DLGAP1: variants seen among roughly 807,000 people sequenced by gnomAD.
The protein encoded by DLGAP1 is DLG associated protein 1.
In DLGAP1, 11 loss-of-function variants were observed where a neutral mutation model predicts 90.8. The observed-to-expected ratio is 0.12, with a 90% confidence interval of 0.08 to 0.20. The LOEUF is 0.20. Among genes scored for constraint, DLGAP1 ranks in the 10% least tolerant of loss-of-function variants. DLGAP1 has a pLI of 1.00. For synonymous variants in DLGAP1, 558 were observed against 540.7 expected, an observed-to-expected ratio of 1.03 and a Z score of -0.44; for missense variants, 1,050 against 1,333.8, an observed-to-expected ratio of 0.79 and a Z score of 3.31.
At chr18:3,669,115 ATGT>A (rs1437923014) in intron 7 of DLGAP1, among the ~76,000 whole-genome samples, 8 of 120,356 alleles carry the variant, frequency 6.6e-5, no homozygotes, top group Non-Finnish European at 1.4e-4. Context: ...ATGAAAATAA[ATGT>A]TGTACAATTT....
chr18:3,665,242 G>A (rs938515325), intron 7 of DLGAP1, among the ~76,000 whole-genome samples: 89 of 152,174 alleles, frequency 5.8e-4, no homozygotes, highest in African/African-American at 1.7e-3. Context: ...GAAACAATTT[G>A]TTACTAGATC....
chr18:4,122,956 A>G (rs1360286192), intron 2 of DLGAP1, among the ~76,000 whole-genome samples: 1 of 152,042 alleles, frequency 6.6e-6, no homozygotes, highest in Non-Finnish European at 1.5e-5. Flanking sequence ...AGTGGACCCT[A>G]TTTGCTTCTC....
At chr18:3,798,623 G>C (rs759126211) in intron 5 of DLGAP1, among the ~76,000 whole-genome samples, 3 of 152,088 alleles carry the variant, frequency 2.0e-5, no homozygotes, top group Non-Finnish European at 4.4e-5. Context: ...TGTTTCTATG[G>C]TTTTATCGTT....
intron 5 of DLGAP1, among the ~76,000 whole-genome samples, chr18:3,743,479 C>T (rs1468094132): frequency 1.3e-5 from 2 of 151,164 alleles, no homozygotes; most frequent in East Asian, 2.0e-4. Flanking sequence ...CTCAGCCTCC[C>T]GAGTAGCTGG....
At chr18:4,034,085 A>G (rs2074847872) in intron 2 of DLGAP1, among the ~76,000 whole-genome samples, 1 of 118,364 alleles carries the variant, frequency 8.4e-6, no homozygotes, top group South Asian at 3.1e-4. Flanking sequence ...CTTGTTGCCC[A>G]GGCTGGAGTG....
chr18:4,384,141 G>C (rs1454521543), intron 1 of DLGAP1, among the ~76,000 whole-genome samples: 1 of 152,098 alleles, frequency 6.6e-6, no homozygotes, highest in African/African-American at 2.4e-5. Context: ...CTATCTGATG[G>C]ATAATGAAAA....
intron 4 of DLGAP1, among the ~76,000 whole-genome samples, chr18:3,854,584 T>C (rs946299052): frequency 2.0e-5 from 3 of 152,226 alleles, no homozygotes; most frequent in Admixed American, 1.3e-4. Context: ...TGGAGCTCCC[T>C]AGAGTTAGGT....
At position 3,524,727 on chromosome 18, in the gene DLGAP1, T is replaced by C. The variant is rs562636227; in HGVS notation, c.2479+9467A>G. Among the ~76,000 whole-genome samples the C allele has an allele frequency of 2.6e-5, 4 of 152,266 alleles. No individual in the cohort carries two copies. The East Asian group carries it at 7.7e-4, about 29-fold the overall frequency. On this transcript the variant is annotated intron_variant, in intron 10 of 12. Coordinates refer to ENST00000315677, the MANE Select transcript of DLGAP1 (RefSeq NM_004746.4). Reference sequence around the variant, plus strand: ...GTGAGACCCTGTCTCAATAAATAAATAAATGAAAGTCATGTGGATTTGTCA... The same window carrying C: ...GTGAGACCCTGTCTCAATAAATAAACAAATGAAAGTCATGTGGATTTGTCA...
chr18:3,593,072 G>A (rs2056372225), intron 7 of DLGAP1, among the ~76,000 whole-genome samples: 1 of 151,802 alleles, frequency 6.6e-6, no homozygotes, highest in African/African-American at 2.4e-5. Flanking sequence ...GAGTACTCAG[G>A]GCTCCAACTC....
chr18:4,206,587 C>T (rs553576062), intron 1 of DLGAP1, among the ~76,000 whole-genome samples: 1 of 152,270 alleles, frequency 6.6e-6, no homozygotes, highest in South Asian at 2.1e-4. Context: ...GGGCCCACAT[C>T]AGCATGCATG....
intron 2 of DLGAP1, among the ~76,000 whole-genome samples, chr18:4,133,495 C>G (rs529505810): frequency 5.3e-5 from 8 of 152,120 alleles, no homozygotes; most frequent in Non-Finnish European, 8.8e-5. Flanking sequence ...CTAATTTACC[C>G]AGCTTTATCT....
chr18:4,250,186 T>C (rs1436053929), intron 1 of DLGAP1, among the ~76,000 whole-genome samples: 1 of 152,198 alleles, frequency 6.6e-6, no homozygotes, highest in Non-Finnish European at 1.5e-5. Context: ...TTTCTCTTCC[T>C]TGGGCTCACA....
At chr18:4,406,235 A>G (rs929026826) in intron 1 of DLGAP1, among the ~76,000 whole-genome samples, 1 of 152,172 alleles carries the variant, frequency 6.6e-6, no homozygotes, top group African/African-American at 2.4e-5. Flanking sequence ...GAGTGGACCA[A>G]TCAGAAGTAG....
chr18:3,514,970 T>G (rs1316853420), intron 10 of DLGAP1, among the ~76,000 whole-genome samples: 1 of 152,204 alleles, frequency 6.6e-6, no homozygotes. Flanking sequence ...CTCAAGCTTC[T>G]GGCCTCAAGC....
Position 3,764,609 on chromosome 18 carries a change from C to A in DLGAP1, c.1173-22097G>T, listed in dbSNP as rs552789171. On this transcript the variant is annotated intron_variant, in intron 5 of 12. Transcript: ENST00000315677. ...TATGCTGTTTTCCCATTTTCGAAATCATCCCAAACCATCAATTTTAAAGTT... is the reference window on the plus strand; with the variant it reads ...TATGCTGTTTTCCCATTTTCGAAATAATCCCAAACCATCAATTTTAAAGTT... Among the ~76,000 whole-genome samples, 9 of 152,340 alleles carry A rather than the reference C, an allele frequency of 5.9e-5. No individual in the cohort carries two copies. The East Asian group carries it at 1.3e-3, about 23-fold the overall frequency.
intron 2 of DLGAP1, among the ~76,000 whole-genome samples, chr18:4,091,105 A>G (rs1393348322): frequency 1.3e-5 from 2 of 152,196 alleles, no homozygotes; most frequent in Admixed American, 1.3e-4. Flanking sequence ...GGGTGGGGGT[A>G]GGGAGAGCAT....
chr18:3,809,768 C>T (rs924301074), intron 5 of DLGAP1, among the ~76,000 whole-genome samples: 12 of 152,254 alleles, frequency 7.9e-5, no homozygotes, highest in African/African-American at 2.6e-4. Flanking sequence ...AAATGACACC[C>T]CACTTAATAT....
At chr18:4,073,357 G>A (rs148146758) in intron 2 of DLGAP1, among the ~76,000 whole-genome samples, 1 of 152,254 alleles carries the variant, frequency 6.6e-6, no homozygotes, top group African/African-American at 2.4e-5. Flanking sequence ...GTTTATCTAA[G>A]AGGAAAATGG....
intron 7 of DLGAP1, among the ~76,000 whole-genome samples, chr18:3,604,839 G>A (rs2057251374): frequency 6.6e-6 from 1 of 152,214 alleles, no homozygotes; most frequent in East Asian, 1.9e-4. Context: ...ATGTTAGGTA[G>A]AAAATGTCAG....
Sources: allele counts gnomAD v4.1 joint callset (sites outside exome capture counted in the v4.1 genomes callset), GRCh38; gene constraint gnomAD v4.1.1; transcripts MANE v1.5; gene names NCBI Gene and HGNC (gene_info 2026-07-23, HGNC 2026-07-21).